Variants in CEP112 observed in about 807,000 individuals in gnomAD.
CEP112 encodes the protein centrosomal protein of 112 kDa.
Under a neutral mutation model 153.0 loss-of-function variants are expected in CEP112, and 127 were observed. The observed-to-expected ratio is 0.83, with a 90% CI of 0.72 to 0.96. The LOEUF (loss-of-function observed/expected upper bound fraction) is 0.96. CEP112 is among the 40% of genes least tolerant of loss of function. CEP112 has a pLI of 0.00. For synonymous variants in CEP112, 358 were observed against 374.4 expected (o/e 0.96, Z 0.51); for missense variants, 1,089 against 1,101.2 (o/e 0.99, Z 0.16).
At chr17:65,954,198 G>A (rs2061931649) in intron 18 of CEP112, among the ~76,000 whole-genome samples, 1 of 152,104 alleles carries the variant, frequency 6.6e-6, no homozygotes, top group African/African-American at 2.4e-5. Context: ...ACACTCCCCA[G>A]TACCAACCCA....
intron 24 of CEP112, chr17:65,688,718 T>C (rs1268735097): frequency 4.5e-5 from 7 of 155,904 alleles, no homozygotes; most frequent in African/African-American, 1.4e-4. Context: ...ATGGGTGGGA[T>C]ATTCTGTTAC....
chr17:65,654,534 G>T (rs1042201599), intron 24 of CEP112, among the ~76,000 whole-genome samples: 13 of 152,292 alleles, frequency 8.5e-5, no homozygotes, highest in African/African-American at 3.1e-4. Flanking sequence ...AGCAGTTGCC[G>T]ACCTCTGTTG....
rs755798779 is a variant in CEP112 at position 66,106,157 on chromosome 17, G to A, written c.643-9525C>T. 3.7e-4 allele frequency among the ~76,000 whole-genome samples: 56 copies of A among 152,002 alleles called. 1 individual carries two copies. Among genetic ancestry groups the A allele is most frequent in the Non-Finnish European group, 4.6e-4 (31 of 67,994 alleles). The stretch of plus-strand genomic sequence containing the variant: ...AAATCTATGGGATACAGTAAAAGCA[G>A]TAGTAAGAGGAAAGTTTATAGCAAG... On this transcript the variant is annotated intron_variant, in intron 6 of 26. Transcript: ENST00000535342.
At chr17:66,059,442 A>C (rs1277454832) in intron 11 of CEP112, among the ~76,000 whole-genome samples, 2 of 152,162 alleles carry the variant, frequency 1.3e-5, no homozygotes, top group African/African-American at 4.8e-5. Flanking sequence ...AGAACTCAAC[A>C]ATTCAACAAC....
At chr17:65,724,383 T>C (rs1209795029) in intron 23 of CEP112, among the ~76,000 whole-genome samples, 1 of 152,220 alleles carries the variant, frequency 6.6e-6, no homozygotes, top group Non-Finnish European at 1.5e-5. Flanking sequence ...CCATGCGATA[T>C]TATAGATTTC....
chr17:65,931,294 G>T (rs1469201926), intron 18 of CEP112, among the ~76,000 whole-genome samples: 1 of 152,154 alleles, frequency 6.6e-6, no homozygotes, highest in Admixed American at 6.5e-5. Context: ...TAGGAGTGAG[G>T]CTGACACATG....
At chr17:65,656,941 A>T (rs1317114020) in intron 24 of CEP112, among the ~76,000 whole-genome samples, 1 of 152,208 alleles carries the variant, frequency 6.6e-6, no homozygotes, top group Non-Finnish European at 1.5e-5. Context: ...GCTCTCCCTA[A>T]AGACAAAGAG....
At position 66,069,952 on chromosome 17, in the gene CEP112, A is replaced by G. The variant is rs745636054; in HGVS notation, c.818T>C (p.Leu273Pro). The change falls in exon 9 of 27, where the codon CTT (leucine) becomes CCT (proline). Residue 273 changes from leucine to proline, a missense_variant. Transcript: ENST00000535342. ...AGCATCATGTTTCTGTTGCAGTTTA[A>G]GCTTTTCTTCATGAAATTTAGCTTC... is the stretch of plus-strand genomic sequence containing the variant. ...MMEAKFHEEK[L>P]KLQQKHDADV... is the part of the protein sequence containing the mutation. The G allele has an allele frequency of 6.2e-7, 1 of 1,607,728 alleles. No individual in the cohort carries two copies. The highest frequency in any genetic ancestry group is 1.3e-5 in the African/African-American group (1 of 74,718).
chr17:66,188,041 G>T (rs2073002869), intron 1 of CEP112, among the ~76,000 whole-genome samples: 1 of 152,008 alleles, frequency 6.6e-6, no homozygotes, highest in Non-Finnish European at 1.5e-5. Flanking sequence ...CTCAGATAGA[G>T]GCCTGCCTAC....
intron 18 of CEP112, among the ~76,000 whole-genome samples, chr17:65,935,479 C>A (rs925607426): frequency 1.3e-5 from 2 of 152,070 alleles, no homozygotes; most frequent in African/African-American, 4.8e-5. Context: ...ACTTATGTCT[C>A]AAGTACAACA....
intron 18 of CEP112, among the ~76,000 whole-genome samples, chr17:65,932,072 A>G (rs2061144754): frequency 6.6e-6 from 1 of 152,206 alleles, no homozygotes; most frequent in Non-Finnish European, 1.5e-5. Flanking sequence ...CCCAGCCAGC[A>G]GCTGTGCTTG....
At chr17:65,777,021 T>C (rs10083855) in intron 21 of CEP112, among the ~76,000 whole-genome samples, 80,524 of 152,084 alleles carry the variant, frequency 0.53, 23,178 homozygotes, top group Non-Finnish European at 0.66. Context: ...AATTTTTGGT[T>C]GGGCATCTGC....
chr17:66,010,345 A>G (rs962809952), intron 16 of CEP112, among the ~76,000 whole-genome samples: 1 of 152,074 alleles, frequency 6.6e-6, no homozygotes, highest in Non-Finnish European at 1.5e-5. Flanking sequence ...TATCAGATGA[A>G]GTTGTTTATC....
At chr17:65,868,580 T>C (rs1311707982) in intron 20 of CEP112, among the ~76,000 whole-genome samples, 3 of 151,618 alleles carry the variant, frequency 2.0e-5, no homozygotes, top group African/African-American at 7.3e-5. Flanking sequence ...TGTTTTGAAA[T>C]TGAATATGCA....
At chr17:65,878,623 G>A (rs571397231) in intron 20 of CEP112, among the ~76,000 whole-genome samples, 8 of 152,174 alleles carry the variant, frequency 5.3e-5, no homozygotes, top group African/African-American at 1.4e-4. Context: ...TGTGAAAGCC[G>A]GAACTAGTGG....
intron 4 of CEP112, among the ~76,000 whole-genome samples, chr17:66,153,445 C>T (rs1235736515): frequency 7.0e-6 from 1 of 142,558 alleles, no homozygotes; most frequent in Non-Finnish European, 1.5e-5. Context: ...CTACGTATTA[C>T]CCATGAAATT....
At chr17:65,676,332 GAA>G (rs60299147) in intron 24 of CEP112, among the ~76,000 whole-genome samples, 2 of 126,020 alleles carry the variant, frequency 1.6e-5, no homozygotes, top group Non-Finnish European at 1.7e-5. Flanking sequence ...TGTCTTAAAA[GAA>G]AAAAAAAAAA....
intron 4 of CEP112, among the ~76,000 whole-genome samples, chr17:66,160,091 A>T: frequency 6.6e-6 from 1 of 152,210 alleles, no homozygotes. Context: ...TCCCATTCAC[A>T]ATTGCTACAA....
chr17:65,943,143 C>T (rs965793463), intron 18 of CEP112, among the ~76,000 whole-genome samples: 4 of 152,044 alleles, frequency 2.6e-5, no homozygotes, highest in African/African-American at 4.8e-5. Context: ...ACATAAATGG[C>T]AGAAAGATAA....
Sources: allele counts gnomAD v4.1 joint callset (sites outside exome capture counted in the v4.1 genomes callset), GRCh38; gene constraint gnomAD v4.1.1; transcripts MANE v1.5; gene names NCBI Gene and HGNC (gene_info 2026-07-23, HGNC 2026-07-21).